Variants in AK5 observed in about 807,000 individuals in gnomAD.
AK5 encodes the protein adenylate kinase 5.
Under a neutral mutation model 69.5 loss-of-function variants are expected in AK5, and 27 were observed. The ratio of observed to expected loss-of-function variants is 0.39; its 90% CI spans 0.29 to 0.54. The LOEUF is 0.54. Among genes scored for constraint, AK5 ranks in the 20% least tolerant of loss-of-function variants. AK5 has a pLI of 0.71. For missense variants in AK5, 531 were observed against 700.4 expected (o/e 0.76, Z 2.73); for synonymous variants, 260 against 244.4 (o/e 1.06, Z -0.60).
chr1:77,535,536 A>G (rs969486375), intron 12 of AK5, among the ~76,000 whole-genome samples: 1 of 152,170 alleles, frequency 6.6e-6, no homozygotes, highest in Non-Finnish European at 1.5e-5. Context: ...ACCCCCTCAC[A>G]CATACATACT....
chr1:77,310,167 T>G (rs1051520711), intron 5 of AK5, among the ~76,000 whole-genome samples: 2 of 152,160 alleles, frequency 1.3e-5, no homozygotes, highest in Non-Finnish European at 2.9e-5. Context: ...GAAAAATGTA[T>G]TCAGTGGTCC....
intron 6 of AK5, among the ~76,000 whole-genome samples, chr1:77,348,904 G>A (rs1003173838): frequency 6.6e-6 from 1 of 152,106 alleles, no homozygotes; most frequent in African/African-American, 2.4e-5. Context: ...AAGACTTACT[G>A]AGAACATGTG....
At chr1:77,518,835 T>G in intron 11 of AK5, 108 bp downstream of exon 11, 1 of 1,103,226 alleles carries the variant, frequency 9.1e-7, no homozygotes, top group Non-Finnish European at 1.3e-6. Context: ...AAAGAAACAA[T>G]AGCTGTATAT....
intron 6 of AK5, among the ~76,000 whole-genome samples, chr1:77,374,051 G>T (rs114908800): frequency 6.6e-6 from 1 of 152,024 alleles, no homozygotes; most frequent in Non-Finnish European, 1.5e-5. Flanking sequence ...TTTTCATTTA[G>T]AACACTGTCA....
In AK5 at chr1:77,558,702, C is replaced by G; in HGVS notation, c.*32C>G. On this transcript the variant is annotated 3_prime_UTR_variant, in exon 14 of 14. Transcript: ENST00000354567. ...AAATGCATGTTTGTTAGAATGGAAA[C>G]AGAAAAACATTAAAAAGTTCATTCC... 1 of 1,419,548 alleles carries G rather than the reference C, an allele frequency of 7.0e-7. No individual in the cohort carries two copies. Among genetic ancestry groups the G allele is most frequent in the East Asian group, 2.3e-5 (1 of 43,924 alleles). The allele number at this position is 1,419,548 out of a possible 1,614,324, so 87.9% of individuals were successfully genotyped here.
At chr1:77,537,303 A>G (rs1195338778) in intron 13 of AK5, among the ~76,000 whole-genome samples, 1 of 152,138 alleles carries the variant, frequency 6.6e-6, no homozygotes, top group South Asian at 2.1e-4. Flanking sequence ...AGGCTGTGAC[A>G]TAAAGTGCCA....
Position 77,402,384 on chromosome 1 carries a change from C to G in AK5, c.892-8597C>G, listed in dbSNP as rs891759428. On this transcript the variant is annotated intron_variant, in intron 6 of 13. Transcript: ENST00000354567. ...TATGTATACATGTGCCATGCTGGTGCGCTGCACCCATTAACTCATCATTTA... is the reference window on the plus strand; with the variant it reads ...TATGTATACATGTGCCATGCTGGTGGGCTGCACCCATTAACTCATCATTTA... 2.0e-5 allele frequency among the ~76,000 whole-genome samples: 3 copies of G among 151,724 alleles called. 1 individual carries two copies. The highest frequency in any genetic ancestry group is 2.0e-4 in the Admixed American group (3 of 15,226).
At chr1:77,383,354 G>A (rs1392802528) in intron 6 of AK5, among the ~76,000 whole-genome samples, 2 of 152,020 alleles carry the variant, frequency 1.3e-5, no homozygotes, top group African/African-American at 4.8e-5. Context: ...TAAAAAATGG[G>A]GGATTAACAC....
At chr1:77,283,521 T>C (rs531535044) in intron 1 of AK5, 1 of 985,426 alleles carries the variant, frequency 1.0e-6, no homozygotes, top group Admixed American at 6.1e-5. Context: ...CCCTAAACTA[T>C]CTTTAAAATG....
At chr1:77,420,489 A>G (rs1161678376) in intron 8 of AK5, 1 of 152,218 alleles carries the variant, frequency 6.6e-6, no homozygotes, top group South Asian at 2.1e-4. Flanking sequence ...ACTTGCATTT[A>G]TTTAGCACCT....
chr1:77,536,268 C>A (rs1309353204), intron 13 of AK5, among the ~76,000 whole-genome samples: 1 of 152,100 alleles, frequency 6.6e-6, no homozygotes, highest in African/African-American at 2.4e-5. Flanking sequence ...CAAGACCAGC[C>A]TAAGCAACAT....
At chr1:77,486,503 G>A (rs966689051) in intron 10 of AK5, 151 bp downstream of exon 10, 2 of 483,718 alleles carry the variant, frequency 4.1e-6, no homozygotes, top group African/African-American at 4.1e-5. Context: ...AGACCATCCT[G>A]GCTAACACAG....
In AK5 at chr1:77,399,508, G is replaced by T. The variant is rs539897461; in HGVS notation, c.892-11473G>T. ...TCTGGAATGCTTTCTCTCAGTCAAA[G>T]GGGATAGGGGGCCAAAGCCCTGGTT... is the stretch of plus-strand genomic sequence containing the variant. On this transcript the variant is annotated intron_variant, in intron 6 of 13. Coordinates refer to ENST00000354567, the MANE Select transcript of AK5 (RefSeq NM_174858.3). 3.7e-4 allele frequency among the ~76,000 whole-genome samples: 56 copies of T among 152,298 alleles called. No homozygotes were observed. The South Asian group carries it at 0.011, about 30-fold the overall frequency.
At chr1:77,452,070 T>A (rs1259469249) in intron 8 of AK5, among the ~76,000 whole-genome samples, 1 of 152,230 alleles carries the variant, frequency 6.6e-6, no homozygotes, top group Non-Finnish European at 1.5e-5. Flanking sequence ...TCTGTGAAAA[T>A]CCACTTCGTA....
intron 8 of AK5, among the ~76,000 whole-genome samples, chr1:77,428,644 G>A (rs1239647200): frequency 6.6e-6 from 1 of 151,506 alleles, no homozygotes; most frequent in Admixed American, 6.6e-5. Context: ...GGGTACATGT[G>A]CACAACGTGC....
chr1:77,532,104 T>TCCCTCCACACCTCC (rs1156514448), intron 12 of AK5: 1 of 153,788 alleles, frequency 6.5e-6, no homozygotes, highest in Non-Finnish European at 1.4e-5. Context: ...CCTGCGCCTC[T>TCCCTCCACACCTCC]CCCTCCACAC....
chr1:77,522,806 T>C (rs1658067990), intron 12 of AK5, among the ~76,000 whole-genome samples: 1 of 152,230 alleles, frequency 6.6e-6, no homozygotes, highest in South Asian at 2.1e-4. Context: ...AAATACTGAC[T>C]TGAGAACTTA....
chr1:77,331,062 A>G (rs1488855787), intron 5 of AK5, among the ~76,000 whole-genome samples: 1 of 152,038 alleles, frequency 6.6e-6, no homozygotes, highest in Non-Finnish European at 1.5e-5. Flanking sequence ...ATAATATGCT[A>G]ATATACAAAA....
chr1:77,556,373 C>T (rs1373136971), intron 13 of AK5, among the ~76,000 whole-genome samples: 2 of 152,138 alleles, frequency 1.3e-5, no homozygotes, highest in African/African-American at 2.4e-5. Context: ...TGTTTTTGAA[C>T]CTTATATAAA....
Sources: gnomAD v4.1 joint callset for allele counts (sites outside exome capture counted in the v4.1 genomes callset) on GRCh38, gnomAD v4.1.1 for gene constraint, MANE v1.5 for transcripts, NCBI Gene and HGNC (gene_info 2026-07-23, HGNC 2026-07-21) for gene names.